The following PGR variants were observed in gnomAD, a reference collection of about 807,000 sequenced individuals.
PGR encodes nuclear receptor subfamily 3 group C member 3.
PGR carries 25 observed loss-of-function variants against 76.1 expected under a neutral mutation model. The ratio of observed to expected loss-of-function variants is 0.33; its 90% CI spans 0.24 to 0.46. PGR has a LOEUF of 0.46. Ranked by LOEUF, PGR falls within the 20% of genes least tolerant of loss-of-function variation. The pLI is 1.00. For synonymous variants in PGR, 579 were observed against 535.0 expected (o/e 1.08, Z -1.14); for missense variants, 1,172 against 1,225.3 (o/e 0.96, Z 0.65).
intron 3 of PGR, among the ~76,000 whole-genome samples, chr11:101,070,196 T>C (rs930900173): frequency 1.3e-5 from 2 of 152,148 alleles, no homozygotes; most frequent in South Asian, 2.1e-4. Context: ...GGGTGGGGCA[T>C]TGCCTTACCC....
chr11:101,127,785 G>C lies in PGR; in HGVS notation c.1286C>G (p.Ala429Gly). The C allele has an allele frequency of 1.3e-6, 2 of 1,563,480 alleles. No individual in the cohort carries two copies. Among genetic ancestry groups the C allele is most frequent in the Middle Eastern group, 1.7e-4 (1 of 5,978 alleles). ...LGPPPPLPPR[A>G]TPSRPGEAAV... The stretch of plus-strand genomic sequence containing the variant: ...CGCTTCCCCGGGTCTGGATGGGGTC[G>C]CTCGCGGCGGCAGCGGGGGCGGTGG... The change falls in exon 1 of 8, where the codon GCG (alanine) becomes GGG (glycine). Residue 429 changes from alanine to glycine, a missense_variant. Ala to Gly is a moderately conservative substitution (Grantham distance 60). Coordinates refer to ENST00000325455, the MANE Select transcript of PGR (RefSeq NM_000926.4).
rs1859466586 is a variant in PGR at position 101,035,152 on chromosome 11, T to C, written c.*3964A>G. 1 of 211,706 alleles carries C rather than the reference T, an allele frequency of 4.7e-6. No individual in the cohort carries two copies. The highest frequency in any genetic ancestry group is 1.9e-4 in the South Asian group (1 of 5,358). 13.1% of individuals were successfully genotyped at this position (211,706 alleles called of 1,614,324 possible). ...GGGAAAAACAAACTTATGCCATTACTTGTCTCCTTGTCCACTTCACTTTAT... is the reference window on the plus strand; with the variant it reads ...GGGAAAAACAAACTTATGCCATTACCTGTCTCCTTGTCCACTTCACTTTAT... On this transcript the variant is annotated 3_prime_UTR_variant, in exon 8 of 8. Transcript: ENST00000325455.
At chr11:101,082,262 A>G (rs895059800) in intron 3 of PGR, among the ~76,000 whole-genome samples, 1 of 152,216 alleles carries the variant, frequency 6.6e-6, no homozygotes, top group Admixed American at 6.5e-5. Context: ...AGTCAGTTAA[A>G]GTTCTTTTCT....
intron 4 of PGR, among the ~76,000 whole-genome samples, chr11:101,059,155 T>A (rs1295874781): frequency 6.6e-6 from 1 of 151,936 alleles, no homozygotes; most frequent in Non-Finnish European, 1.5e-5. Context: ...CTTTCTCTTA[T>A]CATGATTTAT....
chr11:101,095,379 T>A (rs1364893783), intron 2 of PGR, among the ~76,000 whole-genome samples: 1 of 152,160 alleles, frequency 6.6e-6, no homozygotes, highest in Non-Finnish European at 1.5e-5. Flanking sequence ...CAACTTACTA[T>A]CCACAAATAA....
At chr11:101,081,694 G>C (rs1441006050) in intron 3 of PGR, among the ~76,000 whole-genome samples, 1 of 152,050 alleles carries the variant, frequency 6.6e-6, no homozygotes, top group Admixed American at 6.6e-5. Flanking sequence ...ATCTTTTCCA[G>C]GCAATCAAGT....
chr11:101,038,758 T>A lies in PGR; in HGVS notation c.*358A>T, dbSNP rs1264914177. The A allele has an allele frequency of 7.9e-6, 2 of 253,680 alleles. No individual in the cohort carries two copies. Among genetic ancestry groups the A allele is most frequent in the Admixed American group, 1.0e-4 (2 of 19,644 alleles). 15.7% of individuals were successfully genotyped at this position (253,680 alleles called of 1,614,324 possible). A position where few individuals can be genotyped will look rare whatever the true frequency, so the allele number is the denominator to read the frequency against. ...AATAACATATAATAGCTTTGTGTTA[T>A]TACATGTAAGATTTTTTCTCTTAAG... On this transcript the variant is annotated 3_prime_UTR_variant, in exon 8 of 8. Transcript: ENST00000325455.
intron 2 of PGR, 132 bp downstream of exon 2, chr11:101,125,875 C>A: frequency 1.2e-6 from 1 of 811,368 alleles, no homozygotes; most frequent in Middle Eastern, 3.5e-4. Flanking sequence ...AAAATGTCAT[C>A]ATATATTTTA....
At chr11:101,061,138 T>C (rs1015443657) in intron 4 of PGR, among the ~76,000 whole-genome samples, 9 of 152,318 alleles carry the variant, frequency 5.9e-5, no homozygotes, top group Admixed American at 4.6e-4. Context: ...TAAACACTCA[T>C]TTTTAAACAG....
rs773536170 is a variant in PGR at position 101,128,330 on chromosome 11, C to G, written c.741G>C (p.Ala247=). 20 of 1,597,362 alleles carry G rather than the reference C, an allele frequency of 1.3e-5. No individual in the cohort carries two copies. The highest frequency in any genetic ancestry group is 1.6e-5 in the Non-Finnish European group (19 of 1,177,400). ...LKGKPRALGG[A]AAGGGAAAVP... ...CAGCCGCGGCTCCTCCTCCAGCCGCCGCGCCACCCAGAGCCCGAGGTTTGC... is the reference window on the plus strand; with the variant it reads ...CAGCCGCGGCTCCTCCTCCAGCCGCGGCGCCACCCAGAGCCCGAGGTTTGC... Residue 247 remains alanine (A), a synonymous_variant, in exon 1 of 8, where the codon GCG becomes GCC. Transcript: ENST00000325455.
chr11:101,129,425 C>G lies in PGR; in HGVS notation c.-355G>C, dbSNP rs1863029133. ...CCGAGGACTGGAGACGCAGAGTACT[C>G]ACAAGTCCGGCACTTGAGTGGCTGC... On this transcript the variant is annotated 5_prime_UTR_variant, in exon 1 of 8. Transcript: ENST00000325455. The G allele has an allele frequency of 7.0e-6, 2 of 284,766 alleles. No individual in the cohort carries two copies. Among genetic ancestry groups the G allele is most frequent in the Admixed American group, 9.7e-5 (2 of 20,578 alleles). 17.6% of individuals were successfully genotyped at this position (284,766 alleles called of 1,614,324 possible).
At chr11:101,050,445 T>A (rs560899235) in intron 5 of PGR, among the ~76,000 whole-genome samples, 1 of 152,114 alleles carries the variant, frequency 6.6e-6, no homozygotes, top group Non-Finnish European at 1.5e-5. Context: ...TTATTTTCTA[T>A]GAAAAATTAT....
intron 2 of PGR, among the ~76,000 whole-genome samples, chr11:101,099,664 T>C (rs564403404): frequency 6.6e-6 from 1 of 152,188 alleles, no homozygotes; most frequent in African/African-American, 2.4e-5. Flanking sequence ...GTCACGGTCA[T>C]GTCCAGAGAG....
intron 2 of PGR, among the ~76,000 whole-genome samples, chr11:101,113,022 A>G (rs1402993484): frequency 6.6e-6 from 1 of 152,178 alleles, no homozygotes; most frequent in African/African-American, 2.4e-5. Context: ...ATTTTTTTGG[A>G]AGATTTTTTA....
At chr11:101,041,875 T>C in intron 7 of PGR, 70 bp downstream of exon 7, 1 of 1,348,362 alleles carries the variant, frequency 7.4e-7, no homozygotes, top group Non-Finnish European at 1.1e-6. Flanking sequence ...AAAATTTACA[T>C]GTAACATTTA....
intron 2 of PGR, among the ~76,000 whole-genome samples, chr11:101,102,262 T>A (rs1862018492): frequency 6.6e-6 from 1 of 152,232 alleles, no homozygotes. Context: ...ATATTAGAAT[T>A]GTTTTATCAA....
Position 101,035,339 on chromosome 11 carries a change from G to A in PGR, c.*3777C>T, listed in dbSNP as rs1048956530. The stretch of plus-strand genomic sequence containing the variant: ...TTCATATTCTATCCTGACTTCTGAT[G>A]TGTGAAGGATAAGTATGGATGAGAG... On this transcript the variant is annotated 3_prime_UTR_variant, in exon 8 of 8. Coordinates refer to ENST00000325455, the MANE Select transcript of PGR (RefSeq NM_000926.4). 1 of 230,706 alleles carries A rather than the reference G, an allele frequency of 4.3e-6. No homozygotes were observed. The highest frequency in any genetic ancestry group is 2.2e-5 in the African/African-American group (1 of 45,222). The allele number at this position is 230,706 out of a possible 1,614,324, so 14.3% of individuals were successfully genotyped here.
intron 6 of PGR, among the ~76,000 whole-genome samples, chr11:101,042,972 C>T (rs2135381095): frequency 6.6e-6 from 1 of 152,228 alleles, no homozygotes; most frequent in African/African-American, 2.4e-5. Context: ...ATGTTGATGG[C>T]TGCTGATTGG....
intron 2 of PGR, among the ~76,000 whole-genome samples, chr11:101,094,374 G>T (rs1591408904): frequency 6.6e-6 from 1 of 152,078 alleles, no homozygotes. Flanking sequence ...TTTGCTTCAG[G>T]TAATTTCTTT....
Sources: allele counts gnomAD v4.1 joint callset (sites outside exome capture counted in the v4.1 genomes callset), GRCh38; gene constraint gnomAD v4.1.1; transcripts MANE v1.5; gene names NCBI Gene and HGNC (gene_info 2026-07-23, HGNC 2026-07-21).